NR4A3: variants seen among roughly 807,000 people sequenced by gnomAD.
NR4A3 encodes the protein nuclear receptor subfamily 4 group A member 3.
Under a neutral mutation model 55.6 loss-of-function variants are expected in NR4A3, and 13 were observed. The observed-to-expected ratio is 0.23, with a 90% CI of 0.15 to 0.37. The LOEUF is 0.37. NR4A3 is among the 10% of genes least tolerant of loss of function. NR4A3 has a pLI of 1.00. For synonymous variants in NR4A3, 342 were observed against 357.9 expected (o/e 0.96, Z 0.50); for missense variants, 646 against 822.8 (o/e 0.79, Z 2.63).
intron 1 of NR4A3, among the ~76,000 whole-genome samples, chr9:99,823,872 C>T (rs1587869298): frequency 6.6e-6 from 1 of 151,854 alleles, no homozygotes; most frequent in African/African-American, 2.4e-5. Flanking sequence ...CTCCCTCGCT[C>T]CTCTTGCCCC....
chr9:99,830,747 A>C (rs187355118), intron 3 of NR4A3, among the ~76,000 whole-genome samples: 259 of 152,354 alleles, frequency 1.7e-3, no homozygotes, highest in Non-Finnish European at 3.0e-3. Context: ...ACAGGATTTC[A>C]GTGGAAAATG....
intron 5 of NR4A3, among the ~76,000 whole-genome samples, chr9:99,842,459 G>T (rs978549069): frequency 6.6e-6 from 1 of 152,114 alleles, no homozygotes; most frequent in African/African-American, 2.4e-5. Flanking sequence ...GGCCAGACGC[G>T]GTGGCTCACG....
intron 7 of NR4A3, among the ~76,000 whole-genome samples, chr9:99,863,315 T>A (rs1462595899): frequency 6.6e-6 from 1 of 152,220 alleles, no homozygotes; most frequent in Non-Finnish European, 1.5e-5. Context: ...GTTACTTACC[T>A]AAGCTGGCCA....
intron 2 of NR4A3, chr9:99,826,937 G>A (rs1021495677): frequency 1.0e-5 from 7 of 685,120 alleles, no homozygotes; most frequent in East Asian, 2.7e-5. Flanking sequence ...AAAAACCGCC[G>A]TTTTTTACCA....
rs796941417 is a variant in NR4A3, at chr9:99,833,432, C to G, written c.1232C>G (p.Pro411Arg). 3 of 1,614,024 alleles carry G rather than the reference C, an allele frequency of 1.9e-6. No individual in the cohort carries two copies. The highest frequency in any genetic ancestry group is 2.5e-6 in the Non-Finnish European group (3 of 1,179,934). ...ALVRALTDST[P>R]RDLDYSRYCP... ...GTCCGAGCTTTAACAGACTCAACAC[C>G]CAGAGATCTTGATTATTCCAGAGTA... The change falls in exon 5 of 8, where the codon CCC (proline) becomes CGC (arginine). Residue 411 changes from proline (P) to arginine (R), a missense_variant. By Grantham distance (103) the Pro-to-Arg change is moderately radical. Transcript: ENST00000395097.
intron 7 of NR4A3, among the ~76,000 whole-genome samples, chr9:99,863,336 C>G (rs1230829589): frequency 1.3e-5 from 2 of 152,122 alleles, no homozygotes; most frequent in African/African-American, 4.8e-5. Flanking sequence ...TCCCAGAAAC[C>G]CTGAATTGGG....
chr9:99,852,682 G>C (rs575845335), intron 7 of NR4A3, among the ~76,000 whole-genome samples: 91 of 152,298 alleles, frequency 6.0e-4, no homozygotes, highest in African/African-American at 2.0e-3. Context: ...TCTCAGGTGA[G>C]AAAATGACTC....
chr9:99,862,382 GA>G (rs1202473656), intron 7 of NR4A3, among the ~76,000 whole-genome samples: 1 of 150,900 alleles, frequency 6.6e-6, no homozygotes, highest in Non-Finnish European at 1.5e-5. Context: ...CATCTCTACT[GA>G]AAATACAAAA....
Position 99,828,552 on chromosome 9 carries a change from C to T in NR4A3, c.510C>T (p.Gly170=). 3 of 1,517,974 alleles carry T rather than the reference C, an allele frequency of 2.0e-6. No individual in the cohort carries two copies. Among genetic ancestry groups the T allele is most frequent in the East Asian group, 2.5e-5 (1 of 40,600 alleles). 94.0% of individuals were successfully genotyped at this position (1,517,974 alleles called of 1,614,324 possible). ...CGGCGCCCGGCTGCATCGCACCCGG[C>T]CCGCTGCTGGACCCGCCGATGAAGG... The part of the protein sequence containing the change: ...LPSAPGCIAP[G]PLLDPPMKAV... The change falls in exon 3 of 8, where the codon GGC becomes GGT. Residue 170 remains glycine, a synonymous_variant. Transcript: ENST00000395097. This position sits in a 1 kb window ranked among gnomAD's most constrained non-coding sequence, Gnocchi z 7.7.
chr9:99,829,070 C>A (rs955357154), intron 3 of NR4A3, 77 bp downstream of exon 3: 37 of 1,251,366 alleles, frequency 3.0e-5, no homozygotes, highest in Non-Finnish European at 3.7e-5. Flanking sequence ...GTAGGAGCAT[C>A]CTTGTTCTTC....
intron 7 of NR4A3, among the ~76,000 whole-genome samples, chr9:99,849,727 G>A (rs1405662442): frequency 6.6e-6 from 1 of 152,194 alleles, no homozygotes; most frequent in African/African-American, 2.4e-5. Context: ...TCATCTCCAT[G>A]GCAACGAGTG....
At chr9:99,831,358 C>T (rs949482002) in intron 3 of NR4A3, among the ~76,000 whole-genome samples, 1 of 152,176 alleles carries the variant, frequency 6.6e-6, no homozygotes, top group African/African-American at 2.4e-5. Flanking sequence ...AGAAGTATGC[C>T]TGTGTTTCAG....
chr9:99,851,773 T>C (rs533335963), intron 7 of NR4A3, among the ~76,000 whole-genome samples: 1 of 152,360 alleles, frequency 6.6e-6, no homozygotes, highest in East Asian at 1.9e-4. Flanking sequence ...GCAAGTGCTT[T>C]GAATCTGGTG....
chr9:99,843,793 A>T (rs1827699773), intron 5 of NR4A3, among the ~76,000 whole-genome samples: 1 of 150,580 alleles, frequency 6.6e-6, no homozygotes, highest in Admixed American at 6.6e-5. Flanking sequence ...CCACTCTGGC[A>T]CCCATGCTGG....
At chr9:99,830,331 C>G (rs527805131) in intron 3 of NR4A3, among the ~76,000 whole-genome samples, 1 of 152,200 alleles carries the variant, frequency 6.6e-6, no homozygotes, top group South Asian at 2.1e-4. Flanking sequence ...ATGAATAAAA[C>G]TCAGAGAAGA....
At chr9:99,846,591 T>C (rs1213033950) in intron 6 of NR4A3, among the ~76,000 whole-genome samples, 1 of 152,202 alleles carries the variant, frequency 6.6e-6, no homozygotes, top group Non-Finnish European at 1.5e-5. Context: ...GGACTTGTTT[T>C]ATGTTAGGCC....
chr9:99,852,194 TCCAGA>T (rs1323148396), intron 7 of NR4A3, among the ~76,000 whole-genome samples: 1 of 152,064 alleles, frequency 6.6e-6, no homozygotes, highest in Non-Finnish European at 1.5e-5. Flanking sequence ...TAAAGAACAT[TCCAGA>T]TGAAGGAAAG....
intron 5 of NR4A3, chr9:99,834,996 C>G: frequency 1.1e-6 from 1 of 890,774 alleles, no homozygotes; most frequent in Non-Finnish European, 1.3e-6. Context: ...CAACACTGTC[C>G]TTTACTAGCT....
At chr9:99,842,954 T>C (rs1827681014) in intron 5 of NR4A3, among the ~76,000 whole-genome samples, 1 of 152,244 alleles carries the variant, frequency 6.6e-6, no homozygotes, top group Non-Finnish European at 1.5e-5. Flanking sequence ...TGCAAAATGA[T>C]GCACAGCCAT....
Sources: gnomAD v4.1 joint callset for allele counts (sites outside exome capture counted in the v4.1 genomes callset) on GRCh38, gnomAD v4.1.1 for gene constraint, Gnocchi (gnomAD v3.1) non-coding constraint, MANE v1.5 for transcripts, NCBI Gene and HGNC (gene_info 2026-07-23, HGNC 2026-07-21) for gene names.